The following EYS variants were observed in gnomAD, a reference collection of about 807,000 sequenced individuals.
The protein encoded by EYS is protein eyes shut homolog.
Under a neutral mutation model 282.1 loss-of-function variants are expected in EYS, and 250 were observed. The observed-to-expected ratio is 0.89, with a 90% CI of 0.80 to 0.98. The LOEUF is 0.98. Among genes scored for constraint, EYS ranks in the 50% least tolerant of loss-of-function variants. The pLI is 0.00. For synonymous variants in EYS, 1,355 were observed against 1,282.9 expected, an observed-to-expected ratio of 1.06 and a Z score of -1.20; for missense variants, 4,016 against 3,709.0, an observed-to-expected ratio of 1.08 and a Z score of -2.15.
chr6:64,061,307 G>A (rs147081494), intron 33 of EYS, among the ~76,000 whole-genome samples: 88 of 152,234 alleles, frequency 5.8e-4, no homozygotes, highest in Middle Eastern at 3.4e-3. Context: ...TTAAAAAAGT[G>A]TATATATATA....
At chr6:64,684,992 A>G (rs1770038774) in intron 22 of EYS, among the ~76,000 whole-genome samples, 1 of 152,122 alleles carries the variant, frequency 6.6e-6, no homozygotes, top group Admixed American at 6.6e-5. Context: ...AAAGGTAGAC[A>G]TTTTCCAAAT....
At chr6:65,586,904 C>A (rs190630639) in intron 2 of EYS, among the ~76,000 whole-genome samples, 265 of 151,952 alleles carry the variant, frequency 1.7e-3, no homozygotes, top group Middle Eastern at 6.8e-3. Flanking sequence ...AATTTCAGTA[C>A]GATTTTTTTT....
At chr6:63,890,369 G>A (rs892165253) in intron 35 of EYS, among the ~76,000 whole-genome samples, 1 of 152,108 alleles carries the variant, frequency 6.6e-6, no homozygotes, top group African/African-American at 2.4e-5. Flanking sequence ...CTCAGTAAAT[G>A]CAAAAGAATG....
chr6:64,636,357 C>T lies in EYS; in HGVS notation c.3444-10112G>A, dbSNP rs541527441. 2.0e-5 allele frequency among the ~76,000 whole-genome samples: 3 copies of T among 152,172 alleles called. No homozygotes were observed. In the South Asian group the frequency reaches 6.2e-4, roughly 32 times the overall value. ...AATGAGGAAAGCGTTCCCTATTTAA[C>T]AAATGGTGCTGGGAAAACTGGCTAG... On this transcript the variant is annotated intron_variant, in intron 22 of 42. Transcript: ENST00000503581.
intron 34 of EYS, among the ~76,000 whole-genome samples, chr6:63,995,179 T>C (rs2149799364): frequency 6.6e-6 from 1 of 151,826 alleles, no homozygotes; most frequent in East Asian, 1.9e-4. Flanking sequence ...TCAATAGCAA[T>C]GAACAAACAC....
At chr6:64,102,488 T>C (rs1055487053) in intron 31 of EYS, among the ~76,000 whole-genome samples, 3 of 152,152 alleles carry the variant, frequency 2.0e-5, no homozygotes, top group Non-Finnish European at 4.4e-5. Context: ...CCAAGATGAT[T>C]AAGCTGCCAA....
At chr6:63,860,888 T>C (rs894390059) in intron 36 of EYS, among the ~76,000 whole-genome samples, 1 of 152,112 alleles carries the variant, frequency 6.6e-6, no homozygotes, top group Non-Finnish European at 1.5e-5. Context: ...TTCTCTAGGA[T>C]TTATCTGCTC....
Position 64,436,226 on chromosome 6 carries a change from T to A in EYS, c.5875A>T (p.Ile1959Phe). 1 of 1,544,986 alleles carries A rather than the reference T, an allele frequency of 6.5e-7. No individual in the cohort carries two copies. Among genetic ancestry groups the A allele is most frequent in the Non-Finnish European group, 8.8e-7 (1 of 1,142,714 alleles). The change falls in exon 28 of 43, where the codon ATT (isoleucine) becomes TTT (phenylalanine). Residue 1959 changes from isoleucine to phenylalanine, a missense_variant. By Grantham distance (21) the Ile-to-Phe change is conservative (BLOSUM62 0). Coordinates refer to ENST00000503581, the MANE Select transcript of EYS (RefSeq NM_001142800.2). ...YCPGEAKFKS[I>F]NTTVRVDNGQ... Reference sequence around the variant, plus strand: ...TTGTCCACTCTAACAGTAGTATTAATGCTTTTAAATTTTGCTTCACCAGGA... The same window carrying A: ...TTGTCCACTCTAACAGTAGTATTAAAGCTTTTAAATTTTGCTTCACCAGGA...
intron 29 of EYS, among the ~76,000 whole-genome samples, chr6:64,345,100 A>G (rs1771323102): frequency 6.6e-6 from 1 of 152,202 alleles, no homozygotes; most frequent in Non-Finnish European, 1.5e-5. Context: ...GGAAGACTCA[A>G]TATCGTGAAA....
intron 28 of EYS, among the ~76,000 whole-genome samples, chr6:64,427,979 T>C (rs961357249): frequency 3.3e-5 from 5 of 152,122 alleles, no homozygotes; most frequent in African/African-American, 7.2e-5. Context: ...TTTTCTGACA[T>C]CTATTGATTC....
chr6:64,269,914 A>T (rs1055441379), intron 30 of EYS, among the ~76,000 whole-genome samples: 4 of 152,114 alleles, frequency 2.6e-5, no homozygotes, highest in Non-Finnish European at 5.9e-5. Flanking sequence ...TAGTAAAAAA[A>T]AGGACAATTC....
intron 28 of EYS, among the ~76,000 whole-genome samples, chr6:64,410,431 A>G (rs1450248488): frequency 6.6e-6 from 1 of 152,182 alleles, no homozygotes; most frequent in Non-Finnish European, 1.5e-5. Context: ...TTCATGTCCA[A>G]TGAGCCTTTT....
Position 65,199,461 on chromosome 6 carries a change from C to T in EYS, c.2023+96402G>A, listed in dbSNP as rs147301208. Among the ~76,000 whole-genome samples, 270 of 152,144 alleles carry T rather than the reference C, an allele frequency of 1.8e-3. 1 individual carries two copies. Among genetic ancestry groups the T allele is most frequent in the African/African-American group, 5.8e-3 (243 of 41,542 alleles). On this transcript the variant is annotated intron_variant, in intron 12 of 42. Coordinates refer to ENST00000503581, the MANE Select transcript of EYS (RefSeq NM_001142800.2). ...TTCATTCATATTTAACCGACAGCAG[C>T]GAAGTACTCAGTGTATTTAAAAATA...
At chr6:63,749,046 G>A (rs1769278846) in intron 41 of EYS, among the ~76,000 whole-genome samples, 1 of 151,982 alleles carries the variant, frequency 6.6e-6, no homozygotes, top group Admixed American at 6.6e-5. Flanking sequence ...ATTTGCTCTT[G>A]GTTCTCTAGT....
intron 30 of EYS, among the ~76,000 whole-genome samples, chr6:64,239,415 G>C (rs1324538855): frequency 2.6e-5 from 4 of 152,132 alleles, no homozygotes; most frequent in Admixed American, 1.3e-4. Flanking sequence ...TCCAGCATCT[G>C]TTGTTTCCTG....
chr6:64,564,730 T>A (rs952076734), intron 26 of EYS, among the ~76,000 whole-genome samples: 1 of 147,354 alleles, frequency 6.8e-6, no homozygotes, highest in East Asian at 2.0e-4. Flanking sequence ...AAGTGGGAAT[T>A]GAAAAATGAG....
At chr6:65,433,040 T>C (rs1160738948) in intron 5 of EYS, among the ~76,000 whole-genome samples, 1 of 152,138 alleles carries the variant, frequency 6.6e-6, no homozygotes, top group African/African-American at 2.4e-5. Context: ...GTTACAGTGT[T>C]GAATTTAAGA....
chr6:64,395,794 GA>G (rs565089475), intron 28 of EYS, among the ~76,000 whole-genome samples: 26 of 145,326 alleles, frequency 1.8e-4, no homozygotes, highest in South Asian at 1.8e-3. Context: ...TAAAAAAAAA[GA>G]AAAAAAAACA....
intron 13 of EYS, among the ~76,000 whole-genome samples, chr6:65,050,258 A>G (rs1233730086): frequency 6.6e-6 from 1 of 151,670 alleles, no homozygotes; most frequent in Non-Finnish European, 1.5e-5. Context: ...GTTAGCACTT[A>G]CAACGAACTA....
Sources: gnomAD v4.1 joint callset for allele counts (sites outside exome capture counted in the v4.1 genomes callset) on GRCh38, gnomAD v4.1.1 for gene constraint, MANE v1.5 for transcripts, NCBI Gene and HGNC (gene_info 2026-07-23, HGNC 2026-07-21) for gene names.